The following RPS6KL1 variants were observed in gnomAD, a reference collection of about 807,000 sequenced individuals.
The protein encoded by RPS6KL1 is ribosomal protein S6 kinase-like 1.
A neutral mutation model predicts 57.0 loss-of-function variants in RPS6KL1; 41 were observed. The observed-to-expected ratio is 0.72, with a 90% confidence interval of 0.56 to 0.93. The LOEUF is 0.93. Among genes scored for constraint, RPS6KL1 ranks in the 40% least tolerant of loss-of-function variants. The pLI, the probability that RPS6KL1 is intolerant of heterozygous loss-of-function variation, is 0.00. For missense variants in RPS6KL1, 697 were observed against 727.7 expected (o/e 0.96, Z 0.49); for synonymous variants, 287 against 309.7 (o/e 0.93, Z 0.77).
Position 74,906,927 on chromosome 14 carries a change from T to TTG in RPS6KL1, c.*86_*87insCA. ...CCATTCCTCGCCCAAAGCCCGCTGA[T>TTG]AGAGGGCCAGCCCTGGGTTGGGTGT... On this transcript the variant is annotated 3_prime_UTR_variant, in exon 12 of 12. Transcript: ENST00000557413. The TTG allele has an allele frequency of 9.3e-7, 1 of 1,074,768 alleles. No individual in the cohort carries two copies. Among genetic ancestry groups the TTG allele is most frequent in the South Asian group, 1.3e-5 (1 of 77,386 alleles). The allele number at this position is 1,074,768 out of a possible 1,614,324, so 66.6% of individuals were successfully genotyped here. A position where few individuals can be genotyped will look rare whatever the true frequency, so the allele number is the denominator to read the frequency against.
At chr14:74,920,478 G>A (rs530218565) in intron 3 of RPS6KL1, among the ~76,000 whole-genome samples, 2 of 152,254 alleles carry the variant, frequency 1.3e-5, no homozygotes, top group Non-Finnish European at 1.5e-5. Flanking sequence ...CCACCTCAAG[G>A]CCTGGCCACC....
In RPS6KL1 at chr14:74,906,427, G is replaced by T; in HGVS notation, c.*587C>A. ...TCGGGGGTGGGGGGGTGGGGGTGGG[G>T]GTCATCCTGTCCCCTACCTCATCCC... is the stretch of plus-strand genomic sequence containing the variant. On this transcript the variant is annotated 3_prime_UTR_variant, in exon 12 of 12. Coordinates refer to ENST00000557413, the MANE Select transcript of RPS6KL1 (RefSeq NM_031464.5). 2.7e-6 allele frequency: 1 copy of T among 373,788 alleles called. No individual in the cohort carries two copies. Among genetic ancestry groups the T allele is most frequent in the South Asian group, 1.9e-5 (1 of 52,896 alleles). 23.2% of individuals were successfully genotyped at this position (373,788 alleles called of 1,614,324 possible). A position where few individuals can be genotyped will look rare whatever the true frequency, so the allele number is the denominator to read the frequency against.
chr14:74,909,126 G>C lies in RPS6KL1; in HGVS notation c.1335C>G (p.Ala445=). 6.2e-7 allele frequency: 1 copy of C among 1,614,166 alleles called. No individual in the cohort carries two copies. Among genetic ancestry groups the C allele is most frequent in the Middle Eastern group, 1.6e-4 (1 of 6,062 alleles). Residue 445 remains alanine (A), a synonymous_variant, in exon 9 of 12, where the codon GCC becomes GCG. Transcript: ENST00000557413. ...SEVEPQCCGE[A]VDNLYSAPEV... ...CTGGGGCGCTGTAGAGATTGTCCACGGCCTCCCCGCAGCACTGGGGCTCCA... is the reference window on the plus strand; with the variant it reads ...CTGGGGCGCTGTAGAGATTGTCCACCGCCTCCCCGCAGCACTGGGGCTCCA...
rs1885585568 is a variant in RPS6KL1 at position 74,909,726 on chromosome 14, T to A, written c.1087A>T (p.Met363Leu). The A allele has an allele frequency of 6.2e-7, 1 of 1,608,194 alleles. No individual in the cohort carries two copies. Among genetic ancestry groups the A allele is most frequent in the Non-Finnish European group, 8.5e-7 (1 of 1,179,752 alleles). ...TCTGCTGACAGGCAGCTCTGATCCATGCCTCGGCCACAGCCCCCTAGCACC... is the reference window on the plus strand; with the variant it reads ...TCTGCTGACAGGCAGCTCTGATCCAAGCCTCGGCCACAGCCCCCTAGCACC... ...GPVLGGCGRG[M>L]DQSCLSADGA... Residue 363 changes from methionine to leucine, a missense_variant, in exon 8 of 12, where the codon ATG (methionine) becomes TTG (leucine). Transcript: ENST00000557413.
rs1887982716 is a variant in RPS6KL1, at chr14:74,922,348, G to A, written c.-391C>T. 2.0e-6 allele frequency: 2 copies of A among 986,024 alleles called. No homozygotes were observed. The highest frequency in any genetic ancestry group is 1.7e-5 in the African/African-American group (1 of 57,348). 61.1% of individuals were successfully genotyped at this position (986,024 alleles called of 1,614,324 possible). A position where few individuals can be genotyped will look rare whatever the true frequency, so the allele number is the denominator to read the frequency against. ...TGTGGGAATCTCATTTACCCTTTGGGGTTTAGCACTTCTCCGTGGACCGGA... is the reference window on the plus strand; with the variant it reads ...TGTGGGAATCTCATTTACCCTTTGGAGTTTAGCACTTCTCCGTGGACCGGA... On this transcript the variant is annotated 5_prime_UTR_variant, in exon 2 of 12. Transcript: ENST00000557413.
In RPS6KL1 at chr14:74,921,331, C is replaced by A. The variant is rs759868193; in HGVS notation, c.211G>T (p.Ala71Ser). 1.2e-5 allele frequency: 20 copies of A among 1,614,120 alleles called. No homozygotes were observed. The highest frequency in any genetic ancestry group is 1.6e-4 in the Middle Eastern group (1 of 6,084). ...CCATTCTGATAGTGGTTGAAGGCCG[C>A]CTCATAGTCCTCACTAACATCGCGC... is the stretch of plus-strand genomic sequence containing the variant. ...LERDVSEDYEAAFNHYQNGVD... is the reference protein window; with the variant it reads ...LERDVSEDYESAFNHYQNGVD... Residue 71 changes from alanine to serine, a missense_variant, in exon 3 of 12, where the codon GCG (alanine) becomes TCG (serine). Ala to Ser is a moderately conservative substitution (Grantham distance 99). Transcript: ENST00000557413.
chr14:74,909,538 C>G lies in RPS6KL1; in HGVS notation c.1270+5G>C. ...ACCCCACTGAGGGGTGAGGAGGGCA[C>G]CTACCTGCCTGGTCCAGGAGCAGGT... On this transcript the variant is annotated splice_donor_5th_base_variant and intron_variant, in intron 8 of 11. Transcript: ENST00000557413. The G allele has an allele frequency of 6.3e-7, 1 of 1,586,398 alleles. No homozygotes were observed.
intron 5 of RPS6KL1, among the ~76,000 whole-genome samples, chr14:74,915,558 A>C (rs968978386): frequency 6.6e-6 from 1 of 152,210 alleles, no homozygotes; most frequent in African/African-American, 2.4e-5. Context: ...ACAAGCCTAA[A>C]GGTTTCAAAC....
rs1408986795 is a variant in RPS6KL1 at position 74,918,530 on chromosome 14, C to A, written c.466G>T (p.Val156Phe). The A allele has an allele frequency of 9.1e-6, 14 of 1,533,792 alleles. No homozygotes were observed. The East Asian group carries it at 9.8e-5, about 11-fold the overall frequency. Residue 156 changes from valine (V) to phenylalanine (F), a missense_variant, in exon 5 of 12, where the codon GTC becomes TTC. Physicochemically the swap from Val to Phe is conservative, Grantham distance 50. Transcript: ENST00000557413. Reference sequence around the variant, plus strand: ...TCACTCACCTTCTCGATGACCCCGACCACCCTGCAGCCCCTCAGCTGCTCC... The same window carrying A: ...TCACTCACCTTCTCGATGACCCCGAACACCCTGCAGCCCCTCAGCTGCTCC... ...AVEQLRGCRV[V>F]GVIEKVQLVQ...
intron 6 of RPS6KL1, 74 bp from the exon 7 acceptor site, chr14:74,911,454 T>C (rs1412798753): frequency 2.6e-5 from 40 of 1,537,132 alleles, no homozygotes; most frequent in Non-Finnish European, 3.3e-5. Flanking sequence ...CTCCTAGCCC[T>C]GGCTTCAGGG....
rs1884939633 is a variant in RPS6KL1, at chr14:74,906,741, T to C, written c.*273A>G. ...CAACCTTTAACATGGTGAGTCCACA[T>C]GCTCAACGGGTCTGTTGACTGATGG... On this transcript the variant is annotated 3_prime_UTR_variant, in exon 12 of 12. Coordinates refer to ENST00000557413, the MANE Select transcript of RPS6KL1 (RefSeq NM_031464.5). 1 of 619,736 alleles carries C rather than the reference T, an allele frequency of 1.6e-6. No individual in the cohort carries two copies. Among genetic ancestry groups the C allele is most frequent in the Non-Finnish European group, 3.1e-6 (1 of 323,108 alleles). The allele number at this position is 619,736 out of a possible 1,614,324, so 38.4% of individuals were successfully genotyped here. A position where few individuals can be genotyped will look rare whatever the true frequency, so the allele number is the denominator to read the frequency against.
rs1884791446 is a variant in RPS6KL1, at chr14:74,906,270, T to C, written c.*744A>G. 6.2e-6 allele frequency: 2 copies of C among 320,352 alleles called. No homozygotes were observed. The highest frequency in any genetic ancestry group is 1.2e-5 in the Non-Finnish European group (2 of 160,032). 19.8% of individuals were successfully genotyped at this position (320,352 alleles called of 1,614,324 possible). ...ACAGGCCCACTGGGGAGGAGGACTC[T>C]TGATTCTGGTTTCAGACTTGCTCTA... On this transcript the variant is annotated 3_prime_UTR_variant, in exon 12 of 12. Transcript: ENST00000557413.
intron 3 of RPS6KL1, among the ~76,000 whole-genome samples, chr14:74,920,360 G>C (rs965273130): frequency 1.3e-5 from 2 of 152,342 alleles, no homozygotes; most frequent in Non-Finnish European, 1.5e-5. Context: ...CCAGTGTAAA[G>C]AAGGCTAGGG....
Position 74,921,441 on chromosome 14 carries a change from C to T in RPS6KL1, c.101G>A (p.Arg34His), listed in dbSNP as rs767222520. 1.9e-5 allele frequency: 30 copies of T among 1,614,244 alleles called. No homozygotes were observed. The highest frequency in any genetic ancestry group is 2.7e-5 in the African/African-American group (2 of 75,054). Residue 34 changes from arginine to histidine, a missense_variant, in exon 3 of 12, where the codon CGC (arginine) becomes CAC (histidine). Transcript: ENST00000557413. ...SQAHVYLEQI[R>H]NRVALGVPDM... ...AGGCACTCCCAGAGCCACCCTGTTG[C>T]GAATCTGCTCCAGGTACACGTGAGC... is the stretch of plus-strand genomic sequence containing the variant.
At chr14:74,919,809 C>A (rs762545495) in intron 4 of RPS6KL1, 36 bp downstream of exon 4, 7 of 1,602,602 alleles carry the variant, frequency 4.4e-6, no homozygotes, top group Non-Finnish European at 6.0e-6. Flanking sequence ...GAGCCCTCCT[C>A]CCGCTCAGGC....
intron 5 of RPS6KL1, among the ~76,000 whole-genome samples, chr14:74,914,279 C>A (rs1886492866): frequency 6.6e-6 from 1 of 152,226 alleles, no homozygotes; most frequent in Non-Finnish European, 1.5e-5. Context: ...ACTCTGGAGT[C>A]ATTTAGGAGA....
Position 74,909,093 on chromosome 14 carries a change from C to G in RPS6KL1, c.1360+8G>C, listed in dbSNP as rs779641640. The G allele has an allele frequency of 6.2e-6, 10 of 1,613,894 alleles. No individual in the cohort carries two copies. In the African/African-American group the frequency reaches 1.2e-4, roughly 19 times the overall value. ...GCTAAGGCCCACCCTGGCCTCCCCCCTTCTTGCCTGGGGCGCTGTAGAGAT... is the reference window on the plus strand; with the variant it reads ...GCTAAGGCCCACCCTGGCCTCCCCCGTTCTTGCCTGGGGCGCTGTAGAGAT... On this transcript the variant is annotated splice_region_variant and intron_variant, in intron 9 of 11. Coordinates refer to ENST00000557413, the MANE Select transcript of RPS6KL1 (RefSeq NM_031464.5).
chr14:74,922,052 T>C lies in RPS6KL1; in HGVS notation c.-95A>G, dbSNP rs1887948287. On this transcript the variant is annotated 5_prime_UTR_variant, in exon 2 of 12. In the 5' UTR this introduces an upstream ATG that the reference lacks. Coordinates refer to ENST00000557413, the MANE Select transcript of RPS6KL1 (RefSeq NM_031464.5). ...CCTCGGCCTCCCACAGTGCTGGGAT[T>C]ATAGACGTGAGCCACCGCGCAGGCC... is the stretch of plus-strand genomic sequence containing the variant. 2.5e-6 allele frequency: 1 copy of C among 396,436 alleles called. No homozygotes were observed. Among genetic ancestry groups the C allele is most frequent in the Non-Finnish European group, 3.5e-6 (1 of 284,180 alleles). The allele number at this position is 396,436 out of a possible 1,614,324, so 24.6% of individuals were successfully genotyped here. A position where few individuals can be genotyped will look rare whatever the true frequency, so the allele number is the denominator to read the frequency against.
At position 74,922,017 on chromosome 14, in the gene RPS6KL1, G is replaced by T. The variant is rs1014315402; in HGVS notation, c.-60C>A. ...TGGTCTTGAACTCCTGACCTCAAGT[G>T]ATCCGTCTGCCTCGGCCTCCCACAG... On this transcript the variant is annotated 5_prime_UTR_variant, in exon 2 of 12. Transcript: ENST00000557413. 1 of 259,414 alleles carries T rather than the reference G, an allele frequency of 3.9e-6. No homozygotes were observed. Among genetic ancestry groups the T allele is most frequent in the African/African-American group, 2.3e-5 (1 of 43,624 alleles). The allele number at this position is 259,414 out of a possible 1,614,324, so 16.1% of individuals were successfully genotyped here.
Sources: allele counts gnomAD v4.1 joint callset (sites outside exome capture counted in the v4.1 genomes callset), GRCh38; gene constraint gnomAD v4.1.1; transcripts MANE v1.5; gene names NCBI Gene and HGNC (gene_info 2026-07-23, HGNC 2026-07-21).